IGF1R: variants seen among roughly 807,000 people sequenced by gnomAD.
IGF1R encodes insulin-like growth factor 1 receptor.
IGF1R carries 44 observed loss-of-function variants against 144.6 expected under a neutral mutation model. The ratio of observed to expected loss-of-function variants is 0.30; its 90% CI spans 0.24 to 0.39. The LOEUF (loss-of-function observed/expected upper bound fraction) is 0.39. IGF1R is among the 10% of genes least tolerant of loss of function. The probability of loss-of-function intolerance (pLI) is 1.00; values close to 1 mark genes in which losing one functional copy is unlikely to be tolerated. For missense variants in IGF1R, 1,355 were observed against 1,833.7 expected (o/e 0.74, Z 4.77); for synonymous variants, 795 against 722.8 (o/e 1.10, Z -1.60).
intron 6 of IGF1R, among the ~76,000 whole-genome samples, chr15:98,910,527 G>C (rs376517733): frequency 3.3e-5 from 5 of 152,208 alleles, no homozygotes; most frequent in African/African-American, 1.2e-4. Context: ...ATAAGAGGGC[G>C]AAAGGACAAT....
intron 2 of IGF1R, among the ~76,000 whole-genome samples, chr15:98,777,685 AG>A (rs1478197151): frequency 6.6e-6 from 1 of 152,236 alleles, no homozygotes; most frequent in Admixed American, 6.5e-5. Context: ...GGTGGGCAAG[AG>A]GGCAGCAAGT....
Position 98,899,488 on chromosome 15 carries a change from T to A in IGF1R, c.1114T>A (p.Ser372Thr). The change falls in exon 5 of 21, where the codon TCA becomes ACA. Residue 372 changes from serine to threonine, a missense_variant. This residue lies in a region of IGF1R where 880 missense variants were observed against 1,202.7 expected (regional missense o/e 0.73). Transcript: ENST00000650285. ...CCCTTTCAATGTAGATAACATTGCTTCAGAGCTGGAGAACTTCATGGGGCT... is the reference window on the plus strand; with the variant it reads ...CCCTTTCAATGTAGATAACATTGCTACAGAGCTGGAGAACTTCATGGGGCT... ...INIRRGNNIASELENFMGLIE... is the reference protein window; with the variant it reads ...INIRRGNNIATELENFMGLIE... 1 of 1,614,168 alleles carries A rather than the reference T, an allele frequency of 6.2e-7. No individual in the cohort carries two copies. Among genetic ancestry groups the A allele is most frequent in the Non-Finnish European group, 8.5e-7 (1 of 1,180,010 alleles).
chr15:98,651,373 A>G (rs1050795726), intron 1 of IGF1R, among the ~76,000 whole-genome samples: 1 of 152,142 alleles, frequency 6.6e-6, no homozygotes, highest in African/African-American at 2.4e-5. Flanking sequence ...TGTTTTCTAA[A>G]CTTTCAGCGG....
rs138414367 is a variant in IGF1R, at chr15:98,897,793, A to G, written c.1102+888A>G. ...TTTTCATTGCCAAGGGCTTCTAGTAATGGTGCCTTAAATTCTCTGCCACTG... is the reference window on the plus strand; with the variant it reads ...TTTTCATTGCCAAGGGCTTCTAGTAGTGGTGCCTTAAATTCTCTGCCACTG... On this transcript the variant is annotated intron_variant, in intron 4 of 20. Transcript: ENST00000650285. 3.3e-5 allele frequency among the ~76,000 whole-genome samples: 5 copies of G among 152,324 alleles called. No individual in the cohort carries two copies. In the East Asian group the frequency reaches 9.6e-4, roughly 29 times the overall value.
chr15:98,924,483 C>G (rs1441812013), intron 12 of IGF1R, 42 bp from the exon 13 acceptor site: 5 of 1,607,176 alleles, frequency 3.1e-6, no homozygotes, highest in African/African-American at 1.3e-5. Context: ...CAGATTTCTC[C>G]TGCATTCATG....
chr15:98,957,087 A>T lies in IGF1R; in HGVS notation c.3749A>T (p.Gln1250Leu). The change falls in exon 21 of 21, where the codon CAG (glutamine) becomes CTG (leucine). Residue 1250 changes from glutamine to leucine, a missense_variant. Transcript: ENST00000650285. ...TTTGAACTGATGCGCATGTGCTGGC[A>T]GTATAACCCCAAGATGAGGCCTTCC... is the stretch of plus-strand genomic sequence containing the variant. ...MLFELMRMCW[Q>L]YNPKMRPSFL... 6.2e-7 allele frequency: 1 copy of T among 1,614,220 alleles called. No homozygotes were observed. Among genetic ancestry groups the T allele is most frequent in the Non-Finnish European group, 8.5e-7 (1 of 1,180,032 alleles).
rs545324191 is a variant in IGF1R at position 98,900,922 on chromosome 15, C to CT, written c.1247+1307dup. On this transcript the variant is annotated intron_variant, in intron 5 of 20. Coordinates refer to ENST00000650285, the MANE Select transcript of IGF1R (RefSeq NM_000875.5). ...AATTTTCTTGTTGCTTAATGATATA[C>CT]TTTTTTGTTTCTAGACTAAGCAAAT... 1.6e-4 allele frequency among the ~76,000 whole-genome samples: 24 copies of CT among 151,918 alleles called. No homozygotes were observed. In the East Asian group the frequency reaches 4.3e-3, roughly 27 times the overall value.
intron 1 of IGF1R, among the ~76,000 whole-genome samples, chr15:98,688,893 C>T (rs558685118): frequency 3.3e-5 from 5 of 152,228 alleles, no homozygotes; most frequent in East Asian, 1.9e-4. Context: ...CCTCTTTTTA[C>T]GCAGTACGCT....
At chr15:98,701,594 C>T (rs1006424988) in intron 1 of IGF1R, among the ~76,000 whole-genome samples, 5 of 152,112 alleles carry the variant, frequency 3.3e-5, no homozygotes, top group Non-Finnish European at 7.4e-5. Context: ...CCGCCTCGGC[C>T]TCCCACAGTG....
At chr15:98,882,314 G>A (rs1027288914) in intron 2 of IGF1R, among the ~76,000 whole-genome samples, 5 of 152,366 alleles carry the variant, frequency 3.3e-5, no homozygotes, top group Non-Finnish European at 7.3e-5. Flanking sequence ...ACAGGAAAGC[G>A]CATTTTTAAT....
chr15:98,680,073 TTTAA>T (rs2053151221), intron 1 of IGF1R, among the ~76,000 whole-genome samples: 1 of 152,260 alleles, frequency 6.6e-6, no homozygotes, highest in African/African-American at 2.4e-5. Context: ...TTAAGCTAAG[TTTAA>T]TTTATTATTG....
At chr15:98,741,219 A>T (rs75840279) in intron 2 of IGF1R, among the ~76,000 whole-genome samples, 1 of 98,668 alleles carries the variant, frequency 1.0e-5, no homozygotes, top group Admixed American at 1.0e-4. Flanking sequence ...ATATGGCTTT[A>T]TATAGTTTTC....
intron 2 of IGF1R, among the ~76,000 whole-genome samples, chr15:98,794,651 G>C (rs2056198968): frequency 6.6e-6 from 1 of 152,268 alleles, no homozygotes; most frequent in Non-Finnish European, 1.5e-5. Context: ...GCATTTTTAT[G>C]TACAACTACT....
intron 2 of IGF1R, among the ~76,000 whole-genome samples, chr15:98,874,338 G>C (rs1020577839): frequency 6.6e-6 from 1 of 152,180 alleles, no homozygotes; most frequent in Admixed American, 6.5e-5. Flanking sequence ...GCAGAAGTCT[G>C]TTTGGCAGGG....
In IGF1R at chr15:98,676,663, G is replaced by C. The variant is rs548795765; in HGVS notation, c.94+26988G>C. Among the ~76,000 whole-genome samples, 9 of 152,180 alleles carry C rather than the reference G, an allele frequency of 5.9e-5. No homozygotes were observed. In the South Asian group the frequency reaches 1.9e-3, roughly 32 times the overall value. On this transcript the variant is annotated intron_variant, in intron 1 of 20. Coordinates refer to ENST00000650285, the MANE Select transcript of IGF1R (RefSeq NM_000875.5). ...TCTTCTCCGCTACTCTTCCAAAAAA[G>C]AAAACACAAATTCATTAGGTTTTGA...
At chr15:98,728,007 G>GTGTT (rs1555436596) in intron 2 of IGF1R, among the ~76,000 whole-genome samples, 1 of 108,750 alleles carries the variant, frequency 9.2e-6, no homozygotes, top group African/African-American at 3.5e-5. Context: ...AAGATGCATT[G>GTGTT]TTTTTTTTTT....
In IGF1R at chr15:98,943,071, C is replaced by G; in HGVS notation, c.3587+19C>G. The G allele has an allele frequency of 6.2e-7, 1 of 1,614,008 alleles. No individual in the cohort carries two copies. Among genetic ancestry groups the G allele is most frequent in the Non-Finnish European group, 8.5e-7 (1 of 1,179,870 alleles). On this transcript the variant is annotated intron_variant, in intron 19 of 20. Coordinates refer to ENST00000650285, the MANE Select transcript of IGF1R (RefSeq NM_000875.5). ...ACGTCTGGTATGAGAACCTTTACTG[C>G]ATTGCCAGCCTGGAGCCCCCAGCCT...
intron 2 of IGF1R, among the ~76,000 whole-genome samples, chr15:98,868,362 T>C (rs960066730): frequency 3.4e-5 from 3 of 88,396 alleles, no homozygotes; most frequent in African/African-American, 1.0e-4. Flanking sequence ...CTGTTGGGTT[T>C]TTTTTTTTGG....
chr15:98,693,528 C>T (rs147482310), intron 1 of IGF1R, among the ~76,000 whole-genome samples: 1 of 152,180 alleles, frequency 6.6e-6, no homozygotes, highest in Admixed American at 6.5e-5. Context: ...CCCTGGTGCA[C>T]TGGGCACAGC....
Sources: gnomAD v4.1 joint callset for allele counts (sites outside exome capture counted in the v4.1 genomes callset) on GRCh38, gnomAD v4.1.1 for gene constraint, gnomAD v4.1.1 regional missense constraint, MANE v1.5 for transcripts, NCBI Gene and HGNC (gene_info 2026-07-23, HGNC 2026-07-21) for gene names.